The following DUOX1 variants were observed in gnomAD, a reference collection of about 807,000 sequenced individuals.
DUOX1 encodes NADPH thyroid oxidase 1.
Under a neutral mutation model 181.8 loss-of-function variants are expected in DUOX1, and 134 were observed. The ratio of observed to expected loss-of-function variants is 0.74; its 90% CI spans 0.64 to 0.85. DUOX1 has a LOEUF of 0.85. Ranked by LOEUF, DUOX1 falls within the 40% of genes least tolerant of loss-of-function variation. The probability of loss-of-function intolerance (pLI) is 0.00; values close to 1 mark genes in which losing one functional copy is unlikely to be tolerated. For missense variants in DUOX1, 1,814 were observed against 2,064.4 expected, an observed-to-expected ratio of 0.88 and a Z score of 2.35; for synonymous variants, 798 against 832.5, an observed-to-expected ratio of 0.96 and a Z score of 0.71.
At chr15:45,144,787 T>C in intron 17 of DUOX1, 108 bp from the exon 18 acceptor site, 1 of 1,132,242 alleles carries the variant, frequency 8.8e-7, no homozygotes, top group South Asian at 1.5e-5. Context: ...AGAAATAATA[T>C]CCCTTTTTCA....
chr15:45,161,648 C>G (rs1335712079), intron 29 of DUOX1, 90 bp from the exon 30 acceptor site: 5 of 1,160,662 alleles, frequency 4.3e-6, no homozygotes, highest in Non-Finnish European at 6.3e-6. Context: ...ATTCCAGAAG[C>G]AGAGCTGAGG....
At position 45,163,827 on chromosome 15, in the gene DUOX1, G is replaced by C; in HGVS notation, c.4442G>C (p.Arg1481Pro). 1 of 1,614,086 alleles carries C rather than the reference G, an allele frequency of 6.2e-7. No individual in the cohort carries two copies. The highest frequency in any genetic ancestry group is 8.5e-7 in the Non-Finnish European group (1 of 1,180,014). ...CERHFQKVLN[R>P]SLFTGLRSIT... Reference sequence around the variant, plus strand: ...CGGCACTTCCAGAAGGTTCTGAACCGGAGTCTATTCACAGGCCTGCGCTCC... The same window carrying C: ...CGGCACTTCCAGAAGGTTCTGAACCCGAGTCTATTCACAGGCCTGCGCTCC... Residue 1481 changes from arginine to proline, a missense_variant, in exon 33 of 34, where the codon CGG (arginine) becomes CCG (proline). Coordinates refer to ENST00000389037, the MANE Select transcript of DUOX1 (RefSeq NM_175940.3).
In DUOX1 at chr15:45,145,077, C is replaced by T. The variant is rs746407999; in HGVS notation, c.2319C>T (p.Ser773=). ...LLETFFRHLF[S]QVLDINQADA... is the part of the protein sequence containing the mutation. ...AGACCTTTTTCAGGCACCTTTTCTCCCAGGTGTGTACATGGGACCAGATCA... is the reference window on the plus strand; with the variant it reads ...AGACCTTTTTCAGGCACCTTTTCTCTCAGGTGTGTACATGGGACCAGATCA... The change falls in exon 18 of 34, where the codon TCC becomes TCT. Residue 773 remains serine (S), a synonymous_variant. Coordinates refer to ENST00000389037, the MANE Select transcript of DUOX1 (RefSeq NM_175940.3). 2 of 1,601,756 alleles carry T rather than the reference C, an allele frequency of 1.2e-6. No homozygotes were observed. Among genetic ancestry groups the T allele is most frequent in the Non-Finnish European group, 1.7e-6 (2 of 1,174,128 alleles).
rs1279928268 is a variant in DUOX1, at chr15:45,135,464, T to C, written c.496-10T>C. The C allele has an allele frequency of 1.3e-6, 2 of 1,547,874 alleles. No homozygotes were observed. Among genetic ancestry groups the C allele is most frequent in the Non-Finnish European group, 1.7e-6 (2 of 1,147,520 alleles). ...CATCGACCCGGGCTCACCCGCCGCG[T>C]GCCCCGCAGGCCAACCAGGTGACGG... On this transcript the variant is annotated splice_polypyrimidine_tract_variant and intron_variant, in intron 5 of 33. Coordinates refer to ENST00000389037, the MANE Select transcript of DUOX1 (RefSeq NM_175940.3).
intron 9 of DUOX1, among the ~76,000 whole-genome samples, chr15:45,137,360 C>CA (rs748162336): frequency 0.56 from 25,790 of 46,330 alleles, 7,733 homozygotes; most frequent in Non-Finnish European, 0.65. Flanking sequence ...AACTCCATCT[C>CA]AAAAAAAAAA....
rs752577584 is a variant in DUOX1, at chr15:45,147,468, G to T, written c.2358G>T (p.Leu786=). The T allele has an allele frequency of 4.3e-6, 7 of 1,614,008 alleles. No homozygotes were observed. In the Admixed American group the frequency reaches 1.0e-4, roughly 23 times the overall value. Residue 786 remains leucine, a synonymous_variant, in exon 19 of 34, where the codon CTG becomes CTT. Transcript: ENST00000389037. ...LDINQADAGT[L]PLDSSQKVRE... ...TCAACCAGGCCGACGCAGGGACCCT[G>T]CCCCTGGACTCCTCCCAGAAGGTGC...
At position 45,143,249 on chromosome 15, in the gene DUOX1, C is replaced by T; in HGVS notation, c.1882C>T (p.Gln628Ter). The T allele has an allele frequency of 6.2e-7, 1 of 1,614,118 alleles. No homozygotes were observed. The highest frequency in any genetic ancestry group is 8.5e-7 in the Non-Finnish European group (1 of 1,180,018). The part of the protein sequence containing the change: ...RLRMRNFKRL[Q>*]GQDRQSIVSE... ...CCGGATGAGAAATTTCAAGAGGCTC[C>T]AGGGCCAGGACCGCCAGAGCATCGT... Residue 628 changes from glutamine to a stop codon, truncating the protein, a stop_gained, in exon 16 of 34, where the codon CAG (glutamine) becomes TAG (stop). Transcript: ENST00000389037. LOFTEE classifies it high-confidence loss of function.
At chr15:45,153,274 C>G in intron 25 of DUOX1, 106 bp from the exon 26 acceptor site, 1 of 680,334 alleles carries the variant, frequency 1.5e-6, no homozygotes, top group East Asian at 3.9e-5. Context: ...TCCTAAGGTA[C>G]TTCTCTGGGA....
At chr15:45,154,137 A>C in intron 27 of DUOX1, 137 bp downstream of exon 27, 1 of 801,942 alleles carries the variant, frequency 1.2e-6, no homozygotes, top group African/African-American at 1.7e-5. Context: ...TGGCCTGAGG[A>C]CACTACTGGG....
rs769423272 is a variant in DUOX1 at position 45,134,310 on chromosome 15, G to T, written c.307+1G>T. 6.3e-7 allele frequency: 1 copy of T among 1,592,418 alleles called. No homozygotes were observed. Among genetic ancestry groups the T allele is most frequent in the African/African-American group, 1.4e-5 (1 of 73,412 alleles). On this transcript the variant is annotated splice_donor_variant, in intron 4 of 33. Coordinates refer to ENST00000389037, the MANE Select transcript of DUOX1 (RefSeq NM_175940.3). LOFTEE classifies it high-confidence loss of function. ...CGCACAGTGTTGGGGGTCTTCTTTGGTGAGAACTTCAACCTCTGGGGAAGG... is the reference window on the plus strand; with the variant it reads ...CGCACAGTGTTGGGGGTCTTCTTTGTTGAGAACTTCAACCTCTGGGGAAGG...
At chr15:45,145,909 C>T (rs1896641512) in intron 18 of DUOX1, among the ~76,000 whole-genome samples, 1 of 140,626 alleles carries the variant, frequency 7.1e-6, no homozygotes, top group Non-Finnish European at 1.5e-5. Flanking sequence ...AGTAAGACTC[C>T]ATCTCAGTTA....
Position 45,139,567 on chromosome 15 carries a change from A to T in DUOX1, c.1357A>T (p.Ile453Phe). Residue 453 changes from isoleucine (I) to phenylalanine (F), a missense_variant, in exon 12 of 34, where the codon ATC (isoleucine) becomes TTC (phenylalanine). Coordinates refer to ENST00000389037, the MANE Select transcript of DUOX1 (RefSeq NM_175940.3). ...GTCTCCCATTACCCGCTGGCAGGAC[A>T]TCAACCCTGCACTCTCCCGGAGCAA... ...GLSPITRWQDINPALSRSNDT... is the reference protein window; with the variant it reads ...GLSPITRWQDFNPALSRSNDT... 6.2e-7 allele frequency: 1 copy of T among 1,609,536 alleles called. No homozygotes were observed. The highest frequency in any genetic ancestry group is 1.3e-5 in the African/African-American group (1 of 74,856).
intron 31 of DUOX1, among the ~76,000 whole-genome samples, chr15:45,163,091 C>T (rs183313437): frequency 6.1e-4 from 93 of 152,322 alleles, no homozygotes; most frequent in African/African-American, 2.0e-3. Context: ...GAGGGCTCCC[C>T]GCAGGGCAGC....
chr15:45,135,550 G>T lies in DUOX1; in HGVS notation c.572G>T (p.Ser191Ile). ...CATTCCTGGAGCGACGCGCTGCGGA[G>T]CTTCTCCAGGGGACAGCTGGCGTCG... ...SSHSWSDALR[S>I]FSRGQLASGP... Residue 191 changes from serine to isoleucine, a missense_variant, in exon 6 of 34, where the codon AGC becomes ATC. Physicochemically the swap from Ser to Ile is moderately radical, Grantham distance 142. Transcript: ENST00000389037. 6.4e-7 allele frequency: 1 copy of T among 1,558,864 alleles called. No homozygotes were observed.
At chr15:45,144,008 T>C (rs762655083) in intron 16 of DUOX1, 28 bp from the exon 17 acceptor site, 27 of 1,612,196 alleles carry the variant, frequency 1.7e-5, no homozygotes, top group Non-Finnish European at 2.1e-5. Context: ...GGGTCCCAGC[T>C]GACGAAGCCC....
At position 45,135,534 on chromosome 15, in the gene DUOX1, A is replaced by G; in HGVS notation, c.556A>G (p.Ser186Gly). ...SAIYGSSHSW[S>G]DALRSFSRGQ... ...CATCTATGGTTCCTCGCATTCCTGG[A>G]GCGACGCGCTGCGGAGCTTCTCCAG... is the stretch of plus-strand genomic sequence containing the variant. The change falls in exon 6 of 34, where the codon AGC (serine) becomes GGC (glycine). Residue 186 changes from serine to glycine, a missense_variant. Around this residue, in one of 5 missense-constraint regions of DUOX1, gnomAD observed 320 missense variants for 313.1 expected, o/e 1.02. Coordinates refer to ENST00000389037, the MANE Select transcript of DUOX1 (RefSeq NM_175940.3). 5 of 1,559,660 alleles carry G rather than the reference A, an allele frequency of 3.2e-6. No individual in the cohort carries two copies. Among genetic ancestry groups the G allele is most frequent in the Non-Finnish European group, 4.3e-6 (5 of 1,153,336 alleles).
rs1390706027 is a variant in DUOX1, at chr15:45,143,319, G to C, written c.1936+16G>C. ...GGCATGGAAGGTAGGTCTAGGGCTG[G>C]CCAGGGTGGTGGTAGGGAGGACATG... is the stretch of plus-strand genomic sequence containing the variant. On this transcript the variant is annotated intron_variant, in intron 16 of 33. Transcript: ENST00000389037. The C allele has an allele frequency of 6.2e-7, 1 of 1,608,266 alleles. No individual in the cohort carries two copies. Among genetic ancestry groups the C allele is most frequent in the South Asian group, 1.1e-5 (1 of 90,818 alleles).
chr15:45,155,735 G>A (rs186162438), intron 27 of DUOX1, 67 bp from the exon 28 acceptor site: 3 of 1,604,354 alleles, frequency 1.9e-6, no homozygotes, highest in East Asian at 4.5e-5. Context: ...GGGGACCTTG[G>A]AAGCTCCAGA....
rs1186200105 is a variant in DUOX1, at chr15:45,165,256, G to A, written c.*355G>A. The A allele has an allele frequency of 3.7e-6, 1 of 271,152 alleles. No individual in the cohort carries two copies. The highest frequency in any genetic ancestry group is 6.7e-5 in the South Asian group (1 of 15,022). 16.8% of individuals were successfully genotyped at this position (271,152 alleles called of 1,614,324 possible). Reference sequence around the variant, plus strand: ...GTGTGCATGTCTGTATGTGTGTTGGGGCGGTGAGTGTAAGGATGCAGTGGG... The same window carrying A: ...GTGTGCATGTCTGTATGTGTGTTGGAGCGGTGAGTGTAAGGATGCAGTGGG... On this transcript the variant is annotated 3_prime_UTR_variant, in exon 34 of 34. Coordinates refer to ENST00000389037, the MANE Select transcript of DUOX1 (RefSeq NM_175940.3).
Sources: allele counts gnomAD v4.1 joint callset (sites outside exome capture counted in the v4.1 genomes callset), GRCh38; gene constraint gnomAD v4.1.1; regional missense constraint gnomAD v4.1.1; transcripts MANE v1.5; gene names NCBI Gene and HGNC (gene_info 2026-07-23, HGNC 2026-07-21).